INO80C: variants seen among roughly 807,000 people sequenced by gnomAD.
The protein encoded by INO80C is IES6 homolog.
A neutral mutation model predicts 17.7 loss-of-function variants in INO80C; 17 were observed. That is an observed-to-expected ratio of 0.96 (90% CI 0.66 to 1.44). The LOEUF is 1.44. INO80C is among the 40% of genes most tolerant of loss of function. INO80C has a pLI of 0.00. For missense variants in INO80C, 244 were observed against 245.0 expected, an observed-to-expected ratio of 1.00 and a Z score of 0.03; for synonymous variants, 96 against 95.8, an observed-to-expected ratio of 1.00 and a Z score of -0.01.
At chr18:35,489,731 A>C (rs535273607) in intron 1 of INO80C, among the ~76,000 whole-genome samples, 1 of 152,330 alleles carries the variant, frequency 6.6e-6, no homozygotes, top group African/African-American at 2.4e-5. Flanking sequence ...GACAAGAATA[A>C]AGTCTGTGTA....
intron 1 of INO80C, among the ~76,000 whole-genome samples, chr18:35,484,655 T>C (rs918301390): frequency 1.5e-4 from 23 of 152,240 alleles, no homozygotes; most frequent in Non-Finnish European, 2.1e-4. Flanking sequence ...GTGGTTGAAG[T>C]ATACAGGAGG....
intron 4 of INO80C, among the ~76,000 whole-genome samples, chr18:35,477,342 C>T (rs949961659): frequency 6.6e-6 from 1 of 152,148 alleles, no homozygotes; most frequent in African/African-American, 2.4e-5. Flanking sequence ...GACTTCAGAA[C>T]AATGAATATT....
intron 4 of INO80C, among the ~76,000 whole-genome samples, chr18:35,473,094 G>T (rs1300858147): frequency 6.6e-6 from 1 of 152,200 alleles, no homozygotes; most frequent in Non-Finnish European, 1.5e-5. Flanking sequence ...CAGATGAGCT[G>T]CCTGAAACAA....
intron 1 of INO80C, among the ~76,000 whole-genome samples, 162 bp from the exon 2 acceptor site, chr18:35,480,725 A>G (rs2045797054): frequency 6.6e-6 from 1 of 152,144 alleles, no homozygotes; most frequent in Non-Finnish European, 1.5e-5. Context: ...GGCACACCAC[A>G]CGGGGAGTAG....
intron 4 of INO80C, among the ~76,000 whole-genome samples, chr18:35,474,245 A>ATATATATATATATATAT: frequency 7.7e-6 from 1 of 129,544 alleles, no homozygotes; most frequent in Middle Eastern, 3.8e-3. Flanking sequence ...ATATATATAT[A>ATATATATATATATATAT]CTTAATAACT....
At chr18:35,468,823 T>G in intron 4 of INO80C, 81 bp from the exon 5 acceptor site, 2 of 1,295,178 alleles carry the variant, frequency 1.5e-6, no homozygotes, top group Non-Finnish European at 2.2e-6. Flanking sequence ...AAATTTTTTC[T>G]ATTTCACTGA....
chr18:35,470,825 G>A (rs2045660796), intron 4 of INO80C, among the ~76,000 whole-genome samples: 1 of 152,244 alleles, frequency 6.6e-6, no homozygotes, highest in African/African-American at 2.4e-5. Context: ...ACACCCAGGA[G>A]TTGAACAAGT....
At chr18:35,482,186 T>C (rs1219749258) in intron 1 of INO80C, among the ~76,000 whole-genome samples, 2 of 152,178 alleles carry the variant, frequency 1.3e-5, no homozygotes, top group Non-Finnish European at 2.9e-5. Context: ...AAAGGTTGCA[T>C]GCACCCTTCA....
chr18:35,497,568 G>GTAGTC, intron 1 of INO80C, 151 bp downstream of exon 1: 1 of 1,422,070 alleles, frequency 7.0e-7, no homozygotes, highest in Non-Finnish European at 9.2e-7. Context: ...AAGGGAAAGA[G>GTAGTC]TAGTCATTCA....
In INO80C at chr18:35,470,740, C is replaced by G. The variant is rs114817329; in HGVS notation, c.448-1998G>C. On this transcript the variant is annotated intron_variant, in intron 4 of 4. Coordinates refer to ENST00000334598, the MANE Select transcript of INO80C (RefSeq NM_194281.4). ...GTGGCACCAACAAAAAGGTTACCAA[C>G]AAAAACCTGAACAGACTGCACTGGA... Among the ~76,000 whole-genome samples, 778 of 152,326 alleles carry G rather than the reference C, an allele frequency of 5.1e-3. 5 individuals carry two copies. Among genetic ancestry groups the G allele is most frequent in the African/African-American group, 0.018 (757 of 41,580 alleles).
At chr18:35,495,103 G>A (rs984513417) in intron 1 of INO80C, among the ~76,000 whole-genome samples, 2 of 152,236 alleles carry the variant, frequency 1.3e-5, no homozygotes, top group Admixed American at 1.3e-4. Flanking sequence ...GCTGTGAAAA[G>A]GGAACTAGAA....
At chr18:35,496,012 ACT>A (rs1329593190) in intron 1 of INO80C, among the ~76,000 whole-genome samples, 2 of 152,254 alleles carry the variant, frequency 1.3e-5, no homozygotes, top group East Asian at 3.9e-4. Flanking sequence ...GACTGACAAT[ACT>A]CTGTATTGTT....
At chr18:35,497,325 A>G (rs1330083851) in intron 1 of INO80C, 1 of 984,672 alleles carries the variant, frequency 1.0e-6, no homozygotes, top group Non-Finnish European at 1.2e-6. Context: ...TCATCCATGC[A>G]GGACATTACA....
At position 35,478,272 on chromosome 18, in the gene INO80C, T is replaced by A; in HGVS notation, c.447+10A>T. The A allele has an allele frequency of 6.4e-7, 1 of 1,563,000 alleles. No individual in the cohort carries two copies. Among genetic ancestry groups the A allele is most frequent in the South Asian group, 1.1e-5 (1 of 87,670 alleles). The stretch of plus-strand genomic sequence containing the variant: ...CCATTTAATGTTATAAGAGATATAA[T>A]CATACTCACAAGCAGACCTGAAACA... On this transcript the variant is annotated intron_variant, in intron 4 of 4. Transcript: ENST00000334598.
chr18:35,479,752 T>C (rs938266659), intron 2 of INO80C, among the ~76,000 whole-genome samples: 3 of 152,234 alleles, frequency 2.0e-5, no homozygotes, highest in African/African-American at 4.8e-5. Context: ...ATAAATTTAC[T>C]ACAAAGTCAG....
chr18:35,484,028 C>T (rs2045844851), intron 1 of INO80C, among the ~76,000 whole-genome samples: 1 of 152,156 alleles, frequency 6.6e-6, no homozygotes, highest in Non-Finnish European at 1.5e-5. Context: ...AACATAACCA[C>T]ACTGAAGTGG....
intron 1 of INO80C, 152 bp from the exon 2 acceptor site, chr18:35,480,715 G>A: frequency 3.1e-6 from 2 of 635,414 alleles, no homozygotes; most frequent in South Asian, 3.7e-5. Flanking sequence ...CCTAGGGGAG[G>A]GCACACCACA....
intron 1 of INO80C, among the ~76,000 whole-genome samples, chr18:35,484,528 T>C (rs1280570387): frequency 2.0e-5 from 3 of 152,162 alleles, no homozygotes; most frequent in African/African-American, 4.8e-5. Flanking sequence ...GGGGGAAAAA[T>C]GCATCTTGAC....
intron 1 of INO80C, among the ~76,000 whole-genome samples, chr18:35,497,084 A>T (rs2045989981): frequency 6.6e-6 from 1 of 152,164 alleles, no homozygotes; most frequent in South Asian, 2.1e-4. Flanking sequence ...AGAAAACACT[A>T]ATCAAGCCAC....
Sources: gnomAD v4.1 joint callset for allele counts (sites outside exome capture counted in the v4.1 genomes callset) on GRCh38, gnomAD v4.1.1 for gene constraint, MANE v1.5 for transcripts, NCBI Gene and HGNC (gene_info 2026-07-23, HGNC 2026-07-21) for gene names.